FBN2: variants seen among roughly 807,000 people sequenced by gnomAD.
FBN2 encodes the protein fibrillin 2, also known as fibrillin-2.
In FBN2, 105 loss-of-function variants were observed where a neutral mutation model predicts 355.6. The ratio of observed to expected loss-of-function variants is 0.30; its 90% CI spans 0.25 to 0.35. FBN2 has a LOEUF of 0.35. FBN2 is among the 10% of genes least tolerant of loss of function. The probability of loss-of-function intolerance (pLI) is 1.00; values close to 1 mark genes in which losing one functional copy is unlikely to be tolerated. For missense variants in FBN2, 3,280 were observed against 3,758.7 expected, an observed-to-expected ratio of 0.87 and a Z score of 3.33; for synonymous variants, 1,350 against 1,301.2, an observed-to-expected ratio of 1.04 and a Z score of -0.81.
At chr5:128,303,160 T>A in intron 45 of FBN2, 71 bp from the exon 46 acceptor site, 1 of 871,254 alleles carries the variant, frequency 1.1e-6, no homozygotes, top group Non-Finnish European at 2.0e-6. Context: ...CCGTTTTATA[T>A]GTTTAACTTA....
intron 25 of FBN2, among the ~76,000 whole-genome samples, chr5:128,343,272 A>G (rs918097419): frequency 6.6e-6 from 1 of 152,140 alleles, no homozygotes; most frequent in African/African-American, 2.4e-5. Context: ...CTCAGGCAGC[A>G]CTCCTCAGAC....
intron 7 of FBN2, among the ~76,000 whole-genome samples, chr5:128,421,147 G>T (rs769705390): frequency 1.3e-5 from 2 of 152,210 alleles, no homozygotes; most frequent in Admixed American, 6.5e-5. Flanking sequence ...AAACTAGAAA[G>T]TTAAGTGACA....
At chr5:128,521,554 A>T (rs933180174) in intron 4 of FBN2, among the ~76,000 whole-genome samples, 13 of 152,252 alleles carry the variant, frequency 8.5e-5, no homozygotes, top group African/African-American at 3.1e-4. Context: ...AGAAAGATTT[A>T]AAAAATCAAT....
intron 5 of FBN2, among the ~76,000 whole-genome samples, chr5:128,492,046 T>G (rs929775158): frequency 1.3e-5 from 2 of 152,196 alleles, no homozygotes; most frequent in Admixed American, 6.5e-5. Context: ...CATACCTAAA[T>G]GAGGGTTAAG....
chr5:128,269,857 A>G (rs903777863), intron 62 of FBN2, among the ~76,000 whole-genome samples: 3 of 151,912 alleles, frequency 2.0e-5, no homozygotes, highest in Non-Finnish European at 4.4e-5. Flanking sequence ...TAAATTTCAT[A>G]TGGAACCAAA....
At chr5:128,489,768 G>T (rs1415329017) in intron 5 of FBN2, among the ~76,000 whole-genome samples, 1 of 152,142 alleles carries the variant, frequency 6.6e-6, no homozygotes, top group Non-Finnish European at 1.5e-5. Context: ...TCAGAGGTTA[G>T]ATGCTATATC....
chr5:128,318,110 T>C, intron 36 of FBN2, 39 bp downstream of exon 36: 1 of 1,606,830 alleles, frequency 6.2e-7, no homozygotes, highest in South Asian at 1.1e-5. Context: ...ATATTCAACT[T>C]GATAATTCTA....
chr5:128,531,113 C>G (rs1003734680), intron 2 of FBN2, among the ~76,000 whole-genome samples: 1 of 151,896 alleles, frequency 6.6e-6, no homozygotes, highest in Non-Finnish European at 1.5e-5. Flanking sequence ...AACCCAAATG[C>G]CCTTCAATCA....
intron 7 of FBN2, chr5:128,445,968 TGA>T (rs1754054310): frequency 6.5e-6 from 1 of 153,862 alleles, no homozygotes; most frequent in Non-Finnish European, 1.4e-5. Context: ...TATTCTTTAT[TGA>T]GATATTTGTA....
At chr5:128,451,573 T>C (rs1372846026) in intron 6 of FBN2, among the ~76,000 whole-genome samples, 1 of 152,128 alleles carries the variant, frequency 6.6e-6, no homozygotes, top group Non-Finnish European at 1.5e-5. Context: ...GCTAATTTTG[T>C]ACTTTGAGTA....
intron 62 of FBN2, among the ~76,000 whole-genome samples, chr5:128,268,102 T>C (rs550582782): frequency 5.9e-5 from 9 of 152,156 alleles, no homozygotes; most frequent in African/African-American, 2.2e-4. Flanking sequence ...AGCTGGCTTT[T>C]TGAAAAAATT....
intron 55 of FBN2, among the ~76,000 whole-genome samples, chr5:128,283,614 ATC>A (rs1327879458): frequency 6.6e-6 from 1 of 152,132 alleles, no homozygotes; most frequent in East Asian, 1.9e-4. Context: ...ACTCTCCAGG[ATC>A]TCTCTCTTGG....
intron 6 of FBN2, among the ~76,000 whole-genome samples, chr5:128,447,351 A>G (rs1203152681): frequency 6.6e-6 from 1 of 152,300 alleles, no homozygotes; most frequent in South Asian, 2.1e-4. Flanking sequence ...AACAGCCCTG[A>G]GAAAGAGAAT....
At chr5:128,460,065 G>T (rs59820839) in intron 6 of FBN2, among the ~76,000 whole-genome samples, 1 of 151,970 alleles carries the variant, frequency 6.6e-6, no homozygotes, top group African/African-American at 2.4e-5. Context: ...TTAGAAAACC[G>T]CATCATCTCA....
In FBN2 at chr5:128,294,427, C is replaced by T. The variant is rs371743871; in HGVS notation, c.6167-2773G>A. ...GGAATCGCCACACTGACTTCCACAA[C>T]GGTTGAACTAGTTTACAGTCCCACC... On this transcript the variant is annotated intron_variant, in intron 48 of 64. Transcript: ENST00000262464. Among the ~76,000 whole-genome samples, 134 of 152,170 alleles carry T rather than the reference C, an allele frequency of 8.8e-4. No individual in the cohort carries two copies. In the South Asian group the frequency reaches 0.012, roughly 14 times the overall value.
intron 6 of FBN2, among the ~76,000 whole-genome samples, chr5:128,456,494 CCCT>C (rs1754398906): frequency 2.6e-5 from 4 of 152,118 alleles, no homozygotes; most frequent in Non-Finnish European, 5.9e-5. Flanking sequence ...CTGGGTGAGA[CCCT>C]CCAAAAGCGG....
chr5:128,314,218 C>T (rs1459072240), intron 36 of FBN2, among the ~76,000 whole-genome samples: 1 of 152,126 alleles, frequency 6.6e-6, no homozygotes, highest in Non-Finnish European at 1.5e-5. Flanking sequence ...ACTTATTTTA[C>T]TTTATTTTTG....
chr5:128,388,886 T>C (rs1039270001), intron 11 of FBN2, among the ~76,000 whole-genome samples: 1 of 152,244 alleles, frequency 6.6e-6, no homozygotes, highest in Non-Finnish European at 1.5e-5. Flanking sequence ...TTGCCTTCTC[T>C]AGCAAGGTTG....
chr5:128,261,250 C>T (rs556947442), intron 64 of FBN2, among the ~76,000 whole-genome samples: 8 of 152,180 alleles, frequency 5.3e-5, no homozygotes, highest in Non-Finnish European at 1.2e-4. Context: ...CAATTTCCAA[C>T]TTCAGTTCCT....
Sources: allele counts gnomAD v4.1 joint callset (sites outside exome capture counted in the v4.1 genomes callset), GRCh38; gene constraint gnomAD v4.1.1; transcripts MANE v1.5; gene names NCBI Gene and HGNC (gene_info 2026-07-23, HGNC 2026-07-21).